UBL3: variants seen among roughly 807,000 people sequenced by gnomAD.
UBL3 encodes ubiquitin-like protein 3.
In UBL3, 6 loss-of-function variants were observed where a neutral mutation model predicts 18.4. The observed-to-expected ratio is 0.33, with a 90% CI of 0.18 to 0.64. The LOEUF (loss-of-function observed/expected upper bound fraction) is 0.64. Ranked by LOEUF, UBL3 falls within the 30% of genes least tolerant of loss-of-function variation. UBL3 has a pLI of 0.76. For synonymous variants in UBL3, 49 were observed against 46.6 expected (o/e 1.05, Z -0.21); for missense variants, 109 against 142.9 (o/e 0.76, Z 1.21).
intron 1 of UBL3, among the ~76,000 whole-genome samples, chr13:29,781,621 T>C (rs1877176680): frequency 6.6e-6 from 1 of 151,558 alleles, no homozygotes; most frequent in South Asian, 2.1e-4. Context: ...CGTGCATGCA[T>C]GGGGGAAAAA....
rs1308690939 is a variant in UBL3, at chr13:29,788,085, C to A, written c.28-10822G>T. Among the ~76,000 whole-genome samples the A allele has an allele frequency of 2.6e-5, 4 of 152,106 alleles. No individual in the cohort carries two copies. In the East Asian group the frequency reaches 5.8e-4, roughly 22 times the overall value. Reference sequence around the variant, plus strand: ...GGCACCCGTTTTCTTTTGAATAGTTCTAGCGCAAGGCACATTTCCAGAACC... The same window carrying A: ...GGCACCCGTTTTCTTTTGAATAGTTATAGCGCAAGGCACATTTCCAGAACC... On this transcript the variant is annotated intron_variant, in intron 1 of 4. Transcript: ENST00000380680.
intron 1 of UBL3, among the ~76,000 whole-genome samples, chr13:29,835,613 G>A (rs557159308): frequency 1.3e-5 from 2 of 151,744 alleles, no homozygotes; most frequent in South Asian, 4.2e-4. Context: ...TAATTAGCTG[G>A]GTGCGGTGGT....
chr13:29,799,448 TAAGAC>T (rs1593660581), intron 1 of UBL3, among the ~76,000 whole-genome samples: 1 of 152,188 alleles, frequency 6.6e-6, no homozygotes, highest in Non-Finnish European at 1.5e-5. Flanking sequence ...CATTTGAAAA[TAAGAC>T]TAACTGAAGA....
chr13:29,837,668 G>A (rs1030822420), intron 1 of UBL3, among the ~76,000 whole-genome samples: 2 of 152,060 alleles, frequency 1.3e-5, no homozygotes, highest in Non-Finnish European at 2.9e-5. Context: ...TTGTAATCAT[G>A]CTTGTAATCC....
chr13:29,827,978 T>C (rs1304151282), intron 1 of UBL3, among the ~76,000 whole-genome samples: 1 of 152,170 alleles, frequency 6.6e-6, no homozygotes, highest in Non-Finnish European at 1.5e-5. Flanking sequence ...GGTTGAAAAT[T>C]CTTTTCTTTA....
At chr13:29,797,259 G>A (rs1398681302) in intron 1 of UBL3, among the ~76,000 whole-genome samples, 2 of 152,152 alleles carry the variant, frequency 1.3e-5, no homozygotes, top group South Asian at 4.1e-4. Context: ...AAAATTAAAT[G>A]CTAGGTACTT....
intron 1 of UBL3, among the ~76,000 whole-genome samples, chr13:29,782,003 TA>T (rs886311621): frequency 5.3e-4 from 75 of 142,780 alleles, no homozygotes; most frequent in Admixed American, 6.3e-4. Flanking sequence ...ACCCCATCTC[TA>T]AAAAAAAAAA....
rs1411575326 is a variant in UBL3, at chr13:29,766,334, C to CT, written c.*920dup. 6.6e-6 allele frequency: 1 copy of CT among 151,936 alleles called. No homozygotes were observed. Among genetic ancestry groups the CT allele is most frequent in the Non-Finnish European group, 1.5e-5 (1 of 67,898 alleles). 9.4% of individuals were successfully genotyped at this position (151,936 alleles called of 1,614,324 possible). A position where few individuals can be genotyped will look rare whatever the true frequency, so the allele number is the denominator to read the frequency against. On this transcript the variant is annotated 3_prime_UTR_variant, in exon 5 of 5. Transcript: ENST00000380680. The stretch of plus-strand genomic sequence containing the variant: ...TTAATTTTAAGAATTCATCTGAACT[C>CT]TAAGGAGTAAGCATGACACTGGATG...
chr13:29,787,611 A>G (rs368298629), intron 1 of UBL3, among the ~76,000 whole-genome samples: 1 of 152,216 alleles, frequency 6.6e-6, no homozygotes, highest in East Asian at 1.9e-4. Context: ...TCTAGGATAC[A>G]AGGTAACAGC....
chr13:29,797,113 G>C (rs1367986827), intron 1 of UBL3, among the ~76,000 whole-genome samples: 1 of 151,912 alleles, frequency 6.6e-6, no homozygotes, highest in African/African-American at 2.4e-5. Flanking sequence ...TTATCAAACA[G>C]GCTCTAAAGA....
chr13:29,767,035 AC>A lies in UBL3; in HGVS notation c.*219del, dbSNP rs1876707530. On this transcript the variant is annotated 3_prime_UTR_variant, in exon 5 of 5. Transcript: ENST00000380680. Reference sequence around the variant, plus strand: ...CATTCAAAAACCAATATGTGTTAAAACAGCTCAACAAAAAATACAAGAAATA... The same window carrying A: ...CATTCAAAAACCAATATGTGTTAAAAAGCTCAACAAAAAATACAAGAAATA... 1 of 438,292 alleles carries A rather than the reference AC, an allele frequency of 2.3e-6. No individual in the cohort carries two copies. Among genetic ancestry groups the A allele is most frequent in the African/African-American group, 2.1e-5 (1 of 48,764 alleles). 27.2% of individuals were successfully genotyped at this position (438,292 alleles called of 1,614,324 possible).
chr13:29,813,702 C>T (rs9508557), intron 1 of UBL3, among the ~76,000 whole-genome samples: 42,676 of 151,908 alleles, frequency 0.28, 6,074 homozygotes, highest in East Asian at 0.41. Context: ...TTTTATATCA[C>T]GGACTTGAAG....
chr13:29,780,138 A>G (rs543728500), intron 1 of UBL3, among the ~76,000 whole-genome samples: 24 of 151,886 alleles, frequency 1.6e-4, no homozygotes, highest in African/African-American at 5.6e-4. Flanking sequence ...GAGGATCACA[A>G]GATCAGGAGA....
At chr13:29,768,017 C>T (rs1876738057) in intron 3 of UBL3, among the ~76,000 whole-genome samples, 1 of 152,072 alleles carries the variant, frequency 6.6e-6, no homozygotes, top group Admixed American at 6.6e-5. Context: ...TAAAAGAATA[C>T]TCTTTTCTAT....
intron 1 of UBL3, among the ~76,000 whole-genome samples, chr13:29,848,425 C>T (rs1879282612): frequency 6.6e-6 from 1 of 151,678 alleles, no homozygotes; most frequent in African/African-American, 2.4e-5. Flanking sequence ...CCATTGCACT[C>T]CAGCCTGGGC....
At chr13:29,776,612 C>T (rs1447683571) in intron 2 of UBL3, among the ~76,000 whole-genome samples, 1 of 151,888 alleles carries the variant, frequency 6.6e-6, no homozygotes, top group Non-Finnish European at 1.5e-5. Context: ...GTGGCTCACG[C>T]CTGTAATCCT....
Position 29,765,614 on chromosome 13 carries a change from A to G in UBL3, c.*1641T>C, listed in dbSNP as rs530436288. The G allele has an allele frequency of 2.8e-4, 42 of 152,644 alleles. No individual in the cohort carries two copies. The highest frequency in any genetic ancestry group is 9.6e-4 in the African/African-American group (40 of 41,572). The allele number at this position is 152,644 out of a possible 1,614,324, so 9.5% of individuals were successfully genotyped here. The stretch of plus-strand genomic sequence containing the variant: ...ACCTTTAAAATTACCACCAAAATGC[A>G]CTATCATTTTTTTTTTATTTAGTTT... On this transcript the variant is annotated 3_prime_UTR_variant, in exon 5 of 5. Coordinates refer to ENST00000380680, the MANE Select transcript of UBL3 (RefSeq NM_007106.4).
chr13:29,777,388 T>C (rs1182690381), intron 1 of UBL3, 125 bp from the exon 2 acceptor site: 2 of 769,530 alleles, frequency 2.6e-6, no homozygotes, highest in East Asian at 2.7e-5. Flanking sequence ...TGGTTTTTAT[T>C]TAAATTCTAT....
At chr13:29,848,156 T>G (rs539547866) in intron 1 of UBL3, among the ~76,000 whole-genome samples, 1 of 152,052 alleles carries the variant, frequency 6.6e-6, no homozygotes, top group South Asian at 2.1e-4. Context: ...AATTTAATCA[T>G]CAGCAGGCTG....
Sources: allele counts gnomAD v4.1 joint callset (sites outside exome capture counted in the v4.1 genomes callset), GRCh38; gene constraint gnomAD v4.1.1; transcripts MANE v1.5; gene names NCBI Gene and HGNC (gene_info 2026-07-23, HGNC 2026-07-21).